The following BTBD9 variants were observed in gnomAD, a reference collection of about 807,000 sequenced individuals.
BTBD9 encodes BTB domain containing 9.
BTBD9 carries 49 observed loss-of-function variants against 64.3 expected under a neutral mutation model. The observed-to-expected ratio is 0.76, with a 90% CI of 0.61 to 0.97. The LOEUF (loss-of-function observed/expected upper bound fraction) is 0.97. BTBD9 is among the 50% of genes least tolerant of loss of function. BTBD9 has a pLI of 0.00. For missense variants in BTBD9, 598 were observed against 762.1 expected (o/e 0.78, Z 2.53); for synonymous variants, 260 against 274.7 (o/e 0.95, Z 0.53).
At chr6:38,319,742 G>C (rs914374288) in intron 7 of BTBD9, among the ~76,000 whole-genome samples, 6 of 151,888 alleles carry the variant, frequency 4.0e-5, no homozygotes, top group African/African-American at 1.2e-4. Context: ...GCTGTGAGCT[G>C]TGCTGCCTGG....
chr6:38,477,076 G>A (rs1194097531), intron 6 of BTBD9, among the ~76,000 whole-genome samples: 2 of 152,172 alleles, frequency 1.3e-5, no homozygotes, highest in African/African-American at 4.8e-5. Flanking sequence ...GAGGACCAGG[G>A]GATGCATCAC....
chr6:38,592,438 T>C, intron 4 of BTBD9, 138 bp downstream of exon 4: 1 of 919,064 alleles, frequency 1.1e-6, no homozygotes. Flanking sequence ...GGGAAAGACA[T>C]TCCATAGGCT....
chr6:38,312,248 C>T (rs187011004), intron 7 of BTBD9, among the ~76,000 whole-genome samples: 11 of 152,266 alleles, frequency 7.2e-5, no homozygotes, highest in African/African-American at 2.6e-4. Flanking sequence ...CATTTTTAAT[C>T]GGATTATTTG....
At chr6:38,621,556 G>C (rs912096965) in intron 1 of BTBD9, among the ~76,000 whole-genome samples, 8 of 152,178 alleles carry the variant, frequency 5.3e-5, no homozygotes, top group African/African-American at 1.9e-4. Flanking sequence ...CCAGTTAGCA[G>C]AACTAGTGGT....
intron 7 of BTBD9, among the ~76,000 whole-genome samples, chr6:38,324,007 G>A (rs1445484557): frequency 6.6e-6 from 1 of 152,190 alleles, no homozygotes; most frequent in Non-Finnish European, 1.5e-5. Flanking sequence ...GAAGGCTGAG[G>A]TGGGAGGATG....
At chr6:38,432,359 T>C (rs546380744) in intron 6 of BTBD9, among the ~76,000 whole-genome samples, 2 of 152,098 alleles carry the variant, frequency 1.3e-5, no homozygotes, top group South Asian at 2.1e-4. Flanking sequence ...TCCTCACTCA[T>C]TCCTGAGCGG....
chr6:38,211,959 C>T (rs1370407073), intron 9 of BTBD9, among the ~76,000 whole-genome samples: 1 of 152,212 alleles, frequency 6.6e-6, no homozygotes, highest in African/African-American at 2.4e-5. Flanking sequence ...TGACTCTTCT[C>T]GTGTGACTGA....
chr6:38,336,598 C>G (rs757535460), intron 7 of BTBD9, among the ~76,000 whole-genome samples: 1 of 152,132 alleles, frequency 6.6e-6, no homozygotes, highest in Admixed American at 6.5e-5. Flanking sequence ...TACCTCCCAC[C>G]GGGTCCCTCC....
At chr6:38,242,310 T>C (rs1350473152) in intron 9 of BTBD9, among the ~76,000 whole-genome samples, 1 of 152,228 alleles carries the variant, frequency 6.6e-6, no homozygotes, top group Non-Finnish European at 1.5e-5. Context: ...ACTCTGATAA[T>C]GTTTATATAC....
intron 6 of BTBD9, among the ~76,000 whole-genome samples, chr6:38,428,781 C>T (rs1768299959): frequency 6.7e-6 from 1 of 149,718 alleles, no homozygotes; most frequent in African/African-American, 2.5e-5. Flanking sequence ...GGCGCGATCT[C>T]GGCTCACTGC....
chr6:38,203,696 A>G (rs1335873165), intron 9 of BTBD9, among the ~76,000 whole-genome samples: 2 of 152,106 alleles, frequency 1.3e-5, no homozygotes, highest in African/African-American at 4.8e-5. Flanking sequence ...GAGCTAAAAA[A>G]CTTGATCATA....
intron 6 of BTBD9, among the ~76,000 whole-genome samples, chr6:38,470,667 C>A (rs2127366936): frequency 6.6e-6 from 1 of 152,372 alleles, no homozygotes; most frequent in East Asian, 1.9e-4. Flanking sequence ...AAGAGAAGAA[C>A]TGGCCTTCTC....
intron 6 of BTBD9, among the ~76,000 whole-genome samples, chr6:38,493,461 A>C (rs944125849): frequency 6.6e-6 from 1 of 152,140 alleles, no homozygotes; most frequent in Non-Finnish European, 1.5e-5. Flanking sequence ...ATGAGGTCTC[A>C]CTCATCTCCT....
intron 6 of BTBD9, among the ~76,000 whole-genome samples, chr6:38,441,017 T>C (rs1193560832): frequency 1.3e-5 from 2 of 152,032 alleles, no homozygotes; most frequent in African/African-American, 4.8e-5. Flanking sequence ...TGTGGAGAAG[T>C]GGAGAAGCTG....
At chr6:38,309,394 C>A (rs563136006) in intron 7 of BTBD9, among the ~76,000 whole-genome samples, 56 of 150,518 alleles carry the variant, frequency 3.7e-4, no homozygotes, top group South Asian at 8.4e-4. Context: ...AACAAACAAA[C>A]AAAAAAACCA....
At chr6:38,607,785 C>T (rs1245720413) in intron 1 of BTBD9, among the ~76,000 whole-genome samples, 1 of 149,522 alleles carries the variant, frequency 6.7e-6, no homozygotes, top group Non-Finnish European at 1.5e-5. Flanking sequence ...AAAAAAGGCT[C>T]AATTTATAAT....
chr6:38,477,778 G>C (rs1179005971), intron 6 of BTBD9, among the ~76,000 whole-genome samples: 1 of 152,184 alleles, frequency 6.6e-6, no homozygotes, highest in Non-Finnish European at 1.5e-5. Context: ...CTCTACAGGA[G>C]GTCTTCTTAT....
At chr6:38,450,196 T>C (rs1359370354) in intron 6 of BTBD9, among the ~76,000 whole-genome samples, 1 of 152,194 alleles carries the variant, frequency 6.6e-6, no homozygotes, top group African/African-American at 2.4e-5. Flanking sequence ...CACTCATATG[T>C]GGAATCTAAA....
intron 6 of BTBD9, among the ~76,000 whole-genome samples, chr6:38,366,112 T>A (rs908321579): frequency 6.6e-6 from 1 of 152,164 alleles, no homozygotes. Flanking sequence ...TAACTCAGAA[T>A]TAAAAGAAGA....
Sources: gnomAD v4.1 joint callset for allele counts (sites outside exome capture counted in the v4.1 genomes callset) on GRCh38, gnomAD v4.1.1 for gene constraint, MANE v1.5 for transcripts, NCBI Gene and HGNC (gene_info 2026-07-23, HGNC 2026-07-21) for gene names.